Variants in SUGCT observed in about 807,000 individuals in gnomAD.
SUGCT encodes the protein succinyl-CoA:glutarate-CoA transferase.
Under a neutral mutation model 55.0 loss-of-function variants are expected in SUGCT, and 41 were observed. That is an observed-to-expected ratio of 0.74 (90% CI 0.58 to 0.97). SUGCT has a LOEUF of 0.97. Among genes scored for constraint, SUGCT ranks in the 50% least tolerant of loss-of-function variants. The pLI is 0.00. For missense variants in SUGCT, 568 were observed against 547.8 expected, an observed-to-expected ratio of 1.04 and a Z score of -0.37; for synonymous variants, 187 against 200.4, an observed-to-expected ratio of 0.93 and a Z score of 0.56.
At chr7:40,227,390 A>AT (rs1333874661) in intron 6 of SUGCT, among the ~76,000 whole-genome samples, 4 of 151,978 alleles carry the variant, frequency 2.6e-5, no homozygotes, top group Non-Finnish European at 4.4e-5. Context: ...CAGCCCAATA[A>AT]TGATAATTCA....
intron 12 of SUGCT, among the ~76,000 whole-genome samples, chr7:40,651,098 C>A (rs1425703563): frequency 6.6e-6 from 1 of 152,182 alleles, no homozygotes; most frequent in Non-Finnish European, 1.5e-5. Flanking sequence ...ATATGTACCA[C>A]ATTTTCTTTA....
At chr7:41,028,377 A>G in the SUGCT span, among the ~76,000 whole-genome samples, 1 of 152,246 alleles carries the variant, frequency 6.6e-6, no homozygotes, top group Non-Finnish European at 1.5e-5. Flanking sequence ...TAACAGCATC[A>G]CTGGCCGTCC....
At chr7:40,229,349 T>C (rs1788581266) in intron 6 of SUGCT, among the ~76,000 whole-genome samples, 1 of 151,974 alleles carries the variant, frequency 6.6e-6, no homozygotes, top group South Asian at 2.1e-4. Context: ...TGAAACCCTG[T>C]CTCTACTAAA....
chr7:40,968,342 G>A, the SUGCT span, among the ~76,000 whole-genome samples: 50,422 of 152,072 alleles, frequency 0.33, 8,807 homozygotes, highest in African/African-American at 0.44. Context: ...CAGTGGAACC[G>A]TGTCTGCCGA....
chr7:40,496,893 G>T (rs1192160869), intron 12 of SUGCT, among the ~76,000 whole-genome samples: 1 of 125,266 alleles, frequency 8.0e-6, no homozygotes, highest in Non-Finnish European at 1.7e-5. Flanking sequence ...ATGAATATGT[G>T]TTATTTGTAA....
chr7:40,402,752 C>G (rs779944534), intron 9 of SUGCT, among the ~76,000 whole-genome samples: 1 of 152,144 alleles, frequency 6.6e-6, no homozygotes, highest in African/African-American at 2.4e-5. Context: ...TTTAGAAAGT[C>G]CGCTCTCATT....
intron 12 of SUGCT, among the ~76,000 whole-genome samples, chr7:40,526,047 C>T (rs943442156): frequency 1.3e-5 from 2 of 152,146 alleles, no homozygotes; most frequent in African/African-American, 4.8e-5. Context: ...AGTTACCTGT[C>T]AGTCTTTCAG....
chr7:40,908,210 C>G, the SUGCT span, among the ~76,000 whole-genome samples: 6 of 151,502 alleles, frequency 4.0e-5, no homozygotes, highest in South Asian at 1.2e-3. Context: ...AACCCCATCT[C>G]TACTAAAAAA....
chr7:40,279,397 A>G (rs1792800956), intron 8 of SUGCT, among the ~76,000 whole-genome samples: 2 of 152,144 alleles, frequency 1.3e-5, no homozygotes, highest in Admixed American at 1.3e-4. Context: ...ACTGGGGGAC[A>G]GGTGATTCCT....
At chr7:40,753,484 C>T (rs560222280) in intron 13 of SUGCT, among the ~76,000 whole-genome samples, 11 of 152,274 alleles carry the variant, frequency 7.2e-5, no homozygotes, top group Non-Finnish European at 8.8e-5. Flanking sequence ...CAGTAACAAT[C>T]CTTATTAGGA....
intron 8 of SUGCT, among the ~76,000 whole-genome samples, chr7:40,295,459 C>G (rs1249630206): frequency 6.6e-6 from 1 of 152,134 alleles, no homozygotes; most frequent in Non-Finnish European, 1.5e-5. Flanking sequence ...GCCTGTAATC[C>G]TAGCTACTGG....
chr7:40,974,120 T>C, the SUGCT span, among the ~76,000 whole-genome samples: 1 of 152,210 alleles, frequency 6.6e-6, no homozygotes, highest in Non-Finnish European at 1.5e-5. Flanking sequence ...GAAGGAAAAG[T>C]CCATAGTGCC....
chr7:40,439,400 G>A (rs899393610), intron 9 of SUGCT, among the ~76,000 whole-genome samples: 1 of 151,722 alleles, frequency 6.6e-6, no homozygotes, highest in Non-Finnish European at 1.5e-5. Flanking sequence ...TATGCAGCTA[G>A]TCTGTGGCTC....
chr7:40,950,941 C>T, the SUGCT span, among the ~76,000 whole-genome samples: 1 of 151,882 alleles, frequency 6.6e-6, no homozygotes, highest in Non-Finnish European at 1.5e-5. Flanking sequence ...GTGTCTCTGC[C>T]AGGCTTTGGT....
chr7:40,976,254 A>G, the SUGCT span, among the ~76,000 whole-genome samples: 2 of 152,174 alleles, frequency 1.3e-5, no homozygotes, highest in Non-Finnish European at 2.9e-5. Flanking sequence ...TTGCTTCTAA[A>G]TGTGGTTTTA....
intron 9 of SUGCT, among the ~76,000 whole-genome samples, chr7:40,430,533 C>T (rs746038851): frequency 3.3e-5 from 5 of 152,058 alleles, no homozygotes; most frequent in South Asian, 2.1e-4. Context: ...TATTGAGTTG[C>T]GTGAACTCTT....
In SUGCT at chr7:40,181,961, G is replaced by A; in HGVS notation, c.159G>A (p.Leu53=). The change falls in exon 3 of 14, where the codon CTG becomes CTA. Residue 53 remains leucine, a synonymous_variant. Transcript: ENST00000335693. ...ATCATTTTTAACATTGTAGAGTCCT[G>A]GCGGGACCTTTTGCTACTATGAATT... is the stretch of plus-strand genomic sequence containing the variant. ...GVKILDLTRV[L]AGPFATMNLG... is the part of the protein sequence containing the mutation. 6.3e-7 allele frequency: 1 copy of A among 1,586,164 alleles called. No individual in the cohort carries two copies. Among genetic ancestry groups the A allele is most frequent in the Non-Finnish European group, 8.6e-7 (1 of 1,160,998 alleles).
At chr7:40,375,933 C>A (rs888170392) in intron 9 of SUGCT, among the ~76,000 whole-genome samples, 2 of 152,074 alleles carry the variant, frequency 1.3e-5, no homozygotes, top group African/African-American at 4.8e-5. Context: ...AGAAAAATAC[C>A]ATGGGTATTC....
At chr7:40,744,596 G>A (rs1787636531) in intron 12 of SUGCT, among the ~76,000 whole-genome samples, 1 of 152,088 alleles carries the variant, frequency 6.6e-6, no homozygotes, top group Non-Finnish European at 1.5e-5. Flanking sequence ...TTTAGTAATT[G>A]TGAAATCTTG....
Sources: allele counts gnomAD v4.1 joint callset (sites outside exome capture counted in the v4.1 genomes callset), GRCh38; gene constraint gnomAD v4.1.1; transcripts MANE v1.5; gene names NCBI Gene and HGNC (gene_info 2026-07-23, HGNC 2026-07-21).